Variants in LRP1B observed in about 807,000 individuals in gnomAD.
LRP1B encodes LDL receptor related protein 1B.
LRP1B carries 217 observed loss-of-function variants against 556.6 expected under a neutral mutation model. The observed-to-expected ratio is 0.39, with a 90% CI of 0.35 to 0.44. The LOEUF is 0.44. LRP1B is among the 20% of genes least tolerant of loss of function. The probability of loss-of-function intolerance (pLI) is 1.00; values close to 1 mark genes in which losing one functional copy is unlikely to be tolerated. For synonymous variants in LRP1B, 2,047 were observed against 1,865.8 expected (o/e 1.10, Z -2.50); for missense variants, 5,053 against 5,620.8 (o/e 0.90, Z 3.23).
intron 7 of LRP1B, among the ~76,000 whole-genome samples, chr2:141,172,061 C>A (rs1193751544): frequency 6.6e-6 from 1 of 152,112 alleles, no homozygotes; most frequent in African/African-American, 2.4e-5. Context: ...ACACAAAACA[C>A]TTCGTGTTTA....
At chr2:140,861,113 A>C (rs1692782409) in intron 27 of LRP1B, among the ~76,000 whole-genome samples, 1 of 152,180 alleles carries the variant, frequency 6.6e-6, no homozygotes, top group Non-Finnish European at 1.5e-5. Context: ...ACTGCCTAAA[A>C]GAGACTAATG....
At chr2:141,397,113 CAAAAAAAAAAAAA>C in intron 3 of LRP1B, among the ~76,000 whole-genome samples, 1 of 41,958 alleles carries the variant, frequency 2.4e-5, no homozygotes, top group South Asian at 1.3e-3. Context: ...AACTTTGTCT[CAAAAAAAAAAAAA>C]AAAAAAAAAG....
rs1682316577 is a variant in LRP1B, at chr2:140,358,065, C to T, written c.11309G>A (p.Ser3770Asn). The change falls in exon 74 of 91, where the codon AGT becomes AAT. Residue 3770 changes from serine (S) to asparagine (N), a missense_variant. This residue lies in a region of LRP1B where 599 missense variants were observed against 648.4 expected (regional missense o/e 0.92). Transcript: ENST00000389484. ...RPCKKDEFAC[S>N]NKKCIPMDLQ... Reference sequence around the variant, plus strand: ...ATCCATAGGGATGCATTTTTTATTACTACAAGCAAACTCATCCTTTTTACA... The same window carrying T: ...ATCCATAGGGATGCATTTTTTATTATTACAAGCAAACTCATCCTTTTTACA... 1.2e-6 allele frequency: 2 copies of T among 1,611,344 alleles called. No homozygotes were observed. Among genetic ancestry groups the T allele is most frequent in the Admixed American group, 3.3e-5 (2 of 59,778 alleles).
intron 90 of LRP1B, among the ~76,000 whole-genome samples, chr2:140,233,912 A>T (rs960117177): frequency 6.6e-6 from 1 of 151,348 alleles, no homozygotes; most frequent in African/African-American, 2.4e-5. Flanking sequence ...TGATGTACAC[A>T]GTCATCTTAA....
rs368103156 is a variant in LRP1B at position 140,514,890 on chromosome 2, GC to G, written c.8150-119del. ...AATCAACAATCCTATAATAAAAGAA[GC>G]CAACTTCTTCTTTTCTATGACAATT... On this transcript the variant is annotated intron_variant, in intron 50 of 90. Transcript: ENST00000389484. 45 of 938,200 alleles carry G rather than the reference GC, an allele frequency of 4.8e-5. No individual in the cohort carries two copies. The African/African-American group carries it at 5.9e-4, about 12-fold the overall frequency. The allele number at this position is 938,200 out of a possible 1,614,324, so 58.1% of individuals were successfully genotyped here. A position where few individuals can be genotyped will look rare whatever the true frequency, so the allele number is the denominator to read the frequency against.
rs556682074 is a variant in LRP1B, at chr2:142,003,601, C to T, written c.82+127047G>A. 6.0e-4 allele frequency among the ~76,000 whole-genome samples: 91 copies of T among 152,220 alleles called. 2 individuals are homozygous for T. Among genetic ancestry groups the T allele is most frequent in the African/African-American group, 2.0e-3 (85 of 41,540 alleles). ...CCTAAAGTAGATTAAAACTGAACTTCGGGAATGTGGCTGCGATGGCAACAA... is the reference window on the plus strand; with the variant it reads ...CCTAAAGTAGATTAAAACTGAACTTTGGGAATGTGGCTGCGATGGCAACAA... On this transcript the variant is annotated intron_variant, in intron 1 of 90. Transcript: ENST00000389484.
chr2:141,005,256 TA>T (rs2105373319), intron 15 of LRP1B, 78 bp downstream of exon 15: 2 of 1,481,790 alleles, frequency 1.3e-6, no homozygotes, highest in Non-Finnish European at 1.8e-6. Flanking sequence ...AGTGTCATTT[TA>T]ATTCCTTTAG....
At chr2:140,982,917 C>A (rs192303585) in intron 17 of LRP1B, among the ~76,000 whole-genome samples, 99 of 151,306 alleles carry the variant, frequency 6.5e-4, no homozygotes, top group Non-Finnish European at 7.2e-4. Flanking sequence ...ACTTTTTAAT[C>A]AAGGTATATT....
intron 2 of LRP1B, among the ~76,000 whole-genome samples, chr2:141,760,515 C>G (rs556587647): frequency 2.0e-4 from 30 of 152,160 alleles, no homozygotes; most frequent in Admixed American, 5.9e-4. Context: ...ACAAGCTGCT[C>G]AACAAAATGT....
At chr2:140,344,171 G>T (rs769288528) in intron 77 of LRP1B, among the ~76,000 whole-genome samples, 4 of 151,770 alleles carry the variant, frequency 2.6e-5, no homozygotes, top group Non-Finnish European at 4.4e-5. Context: ...AGAACAAATT[G>T]ATTGTCTATT....
chr2:140,914,825 G>T (rs1248537970), intron 21 of LRP1B, among the ~76,000 whole-genome samples: 1 of 152,142 alleles, frequency 6.6e-6, no homozygotes, highest in Non-Finnish European at 1.5e-5. Context: ...ATGCAGCAGG[G>T]TTAAGTGTTG....
chr2:140,964,792 G>A (rs1234661911), intron 18 of LRP1B, among the ~76,000 whole-genome samples: 1 of 152,132 alleles, frequency 6.6e-6, no homozygotes, highest in East Asian at 1.9e-4. Context: ...TACTGGAACA[G>A]CTCGTGTCCT....
chr2:141,055,282 T>C, intron 9 of LRP1B, 23 bp from the exon 10 acceptor site: 6 of 1,595,496 alleles, frequency 3.8e-6, no homozygotes, highest in Non-Finnish European at 5.1e-6. Flanking sequence ...AAAAACAGCA[T>C]GCGTGAAATT....
chr2:141,245,499 G>A (rs1342260949), intron 5 of LRP1B, among the ~76,000 whole-genome samples: 1 of 152,146 alleles, frequency 6.6e-6, no homozygotes, highest in Admixed American at 6.5e-5. Context: ...AAGGGAGGGT[G>A]AGGGCACCCA....
intron 81 of LRP1B, among the ~76,000 whole-genome samples, chr2:140,323,102 C>A (rs113912095): frequency 0.011 from 1,598 of 152,040 alleles, 34 homozygotes; most frequent in African/African-American, 0.037. Context: ...ATAAATGCAC[C>A]AAACAAGATA....
At chr2:141,055,046 T>C in intron 10 of LRP1B, 70 bp downstream of exon 10, 1 of 1,547,670 alleles carries the variant, frequency 6.5e-7, no homozygotes, top group Non-Finnish European at 8.8e-7. Context: ...ATGTTGATGC[T>C]GCTAATTAAT....
intron 7 of LRP1B, among the ~76,000 whole-genome samples, chr2:141,064,410 C>T (rs1005901590): frequency 1.7e-4 from 26 of 151,766 alleles, no homozygotes; most frequent in Admixed American, 7.9e-4. Flanking sequence ...TTCTTTTTGA[C>T]CTTCTATTAC....
chr2:141,683,640 T>C (rs1269492826), intron 2 of LRP1B, among the ~76,000 whole-genome samples: 1 of 151,994 alleles, frequency 6.6e-6, no homozygotes, highest in African/African-American at 2.4e-5. Context: ...TATTGTAAAA[T>C]GCAAAAGGAA....
At chr2:140,833,579 C>T (rs1174692892) in intron 31 of LRP1B, among the ~76,000 whole-genome samples, 1 of 152,154 alleles carries the variant, frequency 6.6e-6, no homozygotes, top group Non-Finnish European at 1.5e-5. Flanking sequence ...GCTCTAGAAA[C>T]AGCTCTTGTT....
Sources: gnomAD v4.1 joint callset for allele counts (sites outside exome capture counted in the v4.1 genomes callset) on GRCh38, gnomAD v4.1.1 for gene constraint, gnomAD v4.1.1 regional missense constraint, MANE v1.5 for transcripts, NCBI Gene and HGNC (gene_info 2026-07-23, HGNC 2026-07-21) for gene names.